The following CPVL variants were observed in gnomAD, a reference collection of about 807,000 sequenced individuals.
CPVL encodes the protein carboxypeptidase vitellogenic like, also known as probable serine carboxypeptidase CPVL.
In CPVL, 51 loss-of-function variants were observed where a neutral mutation model predicts 63.7. The observed-to-expected ratio is 0.80, with a 90% CI of 0.64 to 1.01. The LOEUF (loss-of-function observed/expected upper bound fraction) is 1.01, where lower values mean the gene tolerates loss of function less well. CPVL is among the 50% of genes least tolerant of loss of function. The pLI is 0.00. For missense variants in CPVL, 530 were observed against 573.1 expected, an observed-to-expected ratio of 0.92 and a Z score of 0.77; for synonymous variants, 195 against 206.0, an observed-to-expected ratio of 0.95 and a Z score of 0.46.
chr7:29,042,682 G>A (rs1363621941), intron 11 of CPVL, among the ~76,000 whole-genome samples: 1 of 152,122 alleles, frequency 6.6e-6, no homozygotes, highest in Non-Finnish European at 1.5e-5. Flanking sequence ...TAAGGATTAT[G>A]AAGAAAGGGA....
chr7:29,124,083 G>C (rs1377016456), intron 1 of CPVL, among the ~76,000 whole-genome samples: 1 of 152,058 alleles, frequency 6.6e-6, no homozygotes, highest in Non-Finnish European at 1.5e-5. Context: ...ACTGTGCTTA[G>C]CTGTTATCTC....
At chr7:29,165,424 G>A (rs893420599) in intron 5 of CPVL, among the ~76,000 whole-genome samples, 3 of 152,034 alleles carry the variant, frequency 2.0e-5, no homozygotes, top group South Asian at 4.1e-4. Context: ...ATTTTTGTGT[G>A]TGTAGGTTTC....
chr7:28,996,265 G>A, intron 12 of CPVL: 1 of 164,428 alleles, frequency 6.1e-6, no homozygotes, highest in Non-Finnish European at 1.3e-5. Context: ...TGTGAGGTCT[G>A]CCTGCAATGG....
chr7:29,195,107 G>T, exon 1 of CPVL: 1 of 1,096,108 alleles, frequency 9.1e-7, no homozygotes. Flanking sequence ...CTCTCGGAAT[G>T]GGGGCAGGCG....
intron 1 of CPVL, among the ~76,000 whole-genome samples, chr7:29,122,002 T>C (rs945388759): frequency 6.6e-6 from 1 of 152,194 alleles, no homozygotes; most frequent in Non-Finnish European, 1.5e-5. Flanking sequence ...TTGCTTAGAA[T>C]ATTCATCTGA....
At chr7:29,106,078 A>G (rs1787689658) in intron 3 of CPVL, among the ~76,000 whole-genome samples, 1 of 152,122 alleles carries the variant, frequency 6.6e-6, no homozygotes, top group African/African-American at 2.4e-5. Context: ...TTCACTGAGT[A>G]CCCTGGTCCA....
At chr7:29,052,753 T>TA (rs1365317419) in intron 11 of CPVL, among the ~76,000 whole-genome samples, 1 of 151,832 alleles carries the variant, frequency 6.6e-6, no homozygotes, top group Non-Finnish European at 1.5e-5. Flanking sequence ...ACTAAAAATA[T>TA]AAAAAATTAG....
intron 12 of CPVL, among the ~76,000 whole-genome samples, chr7:29,027,947 T>C (rs1171448081): frequency 6.6e-6 from 1 of 152,112 alleles, no homozygotes; most frequent in East Asian, 1.9e-4. Context: ...AAAATACCAA[T>C]GGCATTTGTC....
chr7:29,135,563 A>T (rs1367320744), intron 1 of CPVL, among the ~76,000 whole-genome samples: 1 of 151,990 alleles, frequency 6.6e-6, no homozygotes, highest in Non-Finnish European at 1.5e-5. Flanking sequence ...CGAACTCCTG[A>T]CCTCGTGATC....
chr7:29,135,769 G>T (rs1291928812), intron 1 of CPVL, among the ~76,000 whole-genome samples: 1 of 152,166 alleles, frequency 6.6e-6, no homozygotes, highest in East Asian at 1.9e-4. Flanking sequence ...TGCAATTACA[G>T]CTCACTTCAG....
intron 1 of CPVL, among the ~76,000 whole-genome samples, chr7:29,135,581 C>G (rs1276714257): frequency 3.9e-5 from 6 of 152,162 alleles, no homozygotes; most frequent in Non-Finnish European, 8.8e-5. Context: ...ATCCACCCAC[C>G]TCAGCCTCCC....
At chr7:29,129,993 T>C (rs899361445) in intron 1 of CPVL, among the ~76,000 whole-genome samples, 1 of 152,124 alleles carries the variant, frequency 6.6e-6, no homozygotes, top group Admixed American at 6.5e-5. Flanking sequence ...GCAGGGAAGA[T>C]CGTAGCCTAC....
chr7:29,184,286 ATATT>A (rs1045787864), intron 4 of CPVL: 6 of 150,986 alleles, frequency 4.0e-5, no homozygotes, highest in African/African-American at 7.3e-5. Context: ...TATGATATAT[ATATT>A]TAGGAATATT....
At chr7:29,179,056 T>C (rs1259532048) in intron 5 of CPVL, among the ~76,000 whole-genome samples, 2 of 152,206 alleles carry the variant, frequency 1.3e-5, no homozygotes, top group Non-Finnish European at 2.9e-5. Flanking sequence ...CCAGCATCTC[T>C]CTTGGTGTCA....
intron 9 of CPVL, among the ~76,000 whole-genome samples, chr7:29,071,058 C>T (rs894818565): frequency 1.3e-4 from 20 of 151,934 alleles, no homozygotes; most frequent in Non-Finnish European, 2.4e-4. Context: ...CGGCAAAAAG[C>T]CCCTCAGGGA....
intron 1 of CPVL, among the ~76,000 whole-genome samples, chr7:29,133,370 AT>A (rs1790890563): frequency 6.6e-6 from 1 of 152,182 alleles, no homozygotes; most frequent in Non-Finnish European, 1.5e-5. Flanking sequence ...AAATTTATCG[AT>A]GCCTTGCCTT....
At chr7:29,146,837 T>A (rs76373135), upstream of CPVL, 194 of 1,550,930 alleles carry the variant, frequency 1.3e-4, no homozygotes, top group East Asian at 4.6e-3. Context: ...TGAAATTATT[T>A]CTGCACTCTA....
chr7:29,049,827 G>T (rs755500710), intron 11 of CPVL, among the ~76,000 whole-genome samples: 2 of 152,132 alleles, frequency 1.3e-5, no homozygotes, highest in Non-Finnish European at 2.9e-5. Flanking sequence ...ATGTGATCAA[G>T]TGGGTTTCAT....
chr7:29,072,633 C>G (rs1306917343), intron 7 of CPVL, among the ~76,000 whole-genome samples: 1 of 152,160 alleles, frequency 6.6e-6, no homozygotes, highest in African/African-American at 2.4e-5. Flanking sequence ...ATGACATGAA[C>G]AGGTTCGATG....
Sources: gnomAD v4.1 joint callset for allele counts (sites outside exome capture counted in the v4.1 genomes callset) on GRCh38, gnomAD v4.1.1 for gene constraint, MANE v1.5 for transcripts, NCBI Gene and HGNC (gene_info 2026-07-23, HGNC 2026-07-21) for gene names.